CD46: variants seen among roughly 807,000 people sequenced by gnomAD.
The protein encoded by CD46 is membrane cofactor protein.
A neutral mutation model predicts 53.3 loss-of-function variants in CD46; 30 were observed. The observed-to-expected ratio is 0.56, with a 90% CI of 0.42 to 0.76. The LOEUF (loss-of-function observed/expected upper bound fraction) is 0.76. CD46 is among the 30% of genes least tolerant of loss of function. The pLI, the probability that CD46 is intolerant of heterozygous loss-of-function variation, is 0.00. For missense variants in CD46, 409 were observed against 463.0 expected (o/e 0.88, Z 1.07); for synonymous variants, 142 against 152.0 (o/e 0.93, Z 0.48).
intron 1 of CD46, among the ~76,000 whole-genome samples, chr1:207,753,574 G>A (rs1329333177): frequency 6.6e-6 from 1 of 152,124 alleles, no homozygotes; most frequent in East Asian, 1.9e-4. Context: ...TGGGGGCCGA[G>A]GTAGGAGATT....
intron 8 of CD46, among the ~76,000 whole-genome samples, chr1:207,771,098 T>C (rs1054836088): frequency 3.9e-5 from 6 of 152,242 alleles, no homozygotes; most frequent in African/African-American, 1.2e-4. Context: ...CCAATCTAAC[T>C]GGCGTGAGTG....
intron 9 of CD46, 105 bp from the exon 10 acceptor site, chr1:207,784,966 G>T: frequency 1.1e-6 from 1 of 928,240 alleles, no homozygotes; most frequent in Non-Finnish European, 1.7e-6. Context: ...TGAGATTTGG[G>T]TGGGGACACA....
In CD46 at chr1:207,752,303, T is replaced by G. The variant is rs754439039; in HGVS notation, c.91T>G (p.Phe31Val). Reference sequence around the variant, plus strand: ...GGCCATGGTGTTGCTGCTGTACTCCTTCTCCGGTAGGACCCCGGGGCGGGT... The same window carrying G: ...GGCCATGGTGTTGCTGCTGTACTCCGTCTCCGGTAGGACCCCGGGGCGGGT... ...LAAMVLLLYSFSDACEEPPTF... is the reference protein window; with the variant it reads ...LAAMVLLLYSVSDACEEPPTF... Residue 31 changes from phenylalanine to valine, a missense_variant, in exon 1 of 13, where the codon TTC becomes GTC. By Grantham distance (50) the Phe-to-Val change is conservative. Coordinates refer to ENST00000367042, the MANE Select transcript of CD46 (RefSeq NM_172351.3). The surrounding 1 kb of genome is among the most constrained non-coding windows in gnomAD (Gnocchi z 4.1). 6.2e-7 allele frequency: 1 copy of G among 1,613,950 alleles called. No homozygotes were observed. The highest frequency in any genetic ancestry group is 8.5e-7 in the Non-Finnish European group (1 of 1,179,868).
At chr1:207,789,667 C>T (rs755003414) in intron 11 of CD46, among the ~76,000 whole-genome samples, 8 of 152,002 alleles carry the variant, frequency 5.3e-5, no homozygotes, top group African/African-American at 7.3e-5. Context: ...TCTGAAAATA[C>T]ATGATGTCAT....
chr1:207,774,948 A>T (rs1359800704), intron 8 of CD46, among the ~76,000 whole-genome samples: 2 of 152,190 alleles, frequency 1.3e-5, no homozygotes, highest in Non-Finnish European at 2.9e-5. Context: ...TAGTTTAGGG[A>T]AGTCCTCGTG....
chr1:207,785,495 G>A (rs953958650), intron 10 of CD46, 124 bp from the exon 11 acceptor site: 10 of 782,054 alleles, frequency 1.3e-5, no homozygotes, highest in Admixed American at 3.5e-5. Context: ...GAATATAAAT[G>A]TGTAGGTGCT....
chr1:207,788,467 G>A lies in CD46; in HGVS notation c.1083-1786G>A, dbSNP rs147925388. Among the ~76,000 whole-genome samples the A allele has an allele frequency of 4.1e-4, 63 of 152,138 alleles. No individual in the cohort carries two copies. In the East Asian group the frequency reaches 0.011, roughly 27 times the overall value. ...CCCGGAGGCGGAGCTTGCAGTGAGC[G>A]AGATTGCGCCACTGCACTCCAGCCT... is the stretch of plus-strand genomic sequence containing the variant. On this transcript the variant is annotated intron_variant, in intron 11 of 12. Transcript: ENST00000367042.
chr1:207,784,353 A>G (rs1197589661), intron 9 of CD46, among the ~76,000 whole-genome samples: 1 of 152,240 alleles, frequency 6.6e-6, no homozygotes, highest in African/African-American at 2.4e-5. Flanking sequence ...CTGTTGAACT[A>G]AACCAACTCT....
intron 8 of CD46, among the ~76,000 whole-genome samples, chr1:207,778,159 T>A (rs1658318900): frequency 1.3e-5 from 2 of 152,194 alleles, no homozygotes; most frequent in South Asian, 4.1e-4. Flanking sequence ...TAAATTTTTT[T>A]AAGTTCCTGT....
chr1:207,752,210 C>T lies in CD46; in HGVS notation c.-3C>T. On this transcript the variant is annotated 5_prime_UTR_variant, in exon 1 of 13. Coordinates refer to ENST00000367042, the MANE Select transcript of CD46 (RefSeq NM_172351.3). This position sits in a 1 kb window ranked among gnomAD's most constrained non-coding sequence, Gnocchi z 4.1. ...AGAAATAACAGCGTCTTCCGCGCCG[C>T]GCATGGAGCCTCCCGGCCGCCGCGA... 4 of 1,613,520 alleles carry T rather than the reference C, an allele frequency of 2.5e-6. No homozygotes were observed. In the South Asian group the frequency reaches 3.3e-5, roughly 13 times the overall value.
At chr1:207,767,720 A>G in intron 6 of CD46, 59 bp from the exon 7 acceptor site, 1 of 1,591,206 alleles carries the variant, frequency 6.3e-7, no homozygotes, top group Non-Finnish European at 8.6e-7. Context: ...TCCTGGAGAA[A>G]TTGCCAGCAA....
At chr1:207,758,750 A>G (rs1000882184) in intron 3 of CD46, among the ~76,000 whole-genome samples, 1 of 152,226 alleles carries the variant, frequency 6.6e-6, no homozygotes, top group African/African-American at 2.4e-5. Context: ...GACAGTTTTT[A>G]AAATTTGGTC....
chr1:207,794,623 G>C lies in CD46; in HGVS notation c.*1146G>C, dbSNP rs914566029. The C allele has an allele frequency of 6.6e-6, 1 of 152,186 alleles. No individual in the cohort carries two copies. 9.4% of individuals were successfully genotyped at this position (152,186 alleles called of 1,614,324 possible). ...GTCTTACCTCATCTCCTAAAAGGCAGAGTACAAAGTAAGCCATGTATCTCA... is the reference window on the plus strand; with the variant it reads ...GTCTTACCTCATCTCCTAAAAGGCACAGTACAAAGTAAGCCATGTATCTCA... On this transcript the variant is annotated 3_prime_UTR_variant, in exon 13 of 13. Coordinates refer to ENST00000367042, the MANE Select transcript of CD46 (RefSeq NM_172351.3).
intron 7 of CD46, 63 bp downstream of exon 7, chr1:207,767,886 A>G: frequency 3.1e-6 from 4 of 1,290,398 alleles, no homozygotes; most frequent in Non-Finnish European, 4.5e-6. Flanking sequence ...ATTTTTTATA[A>G]AATCCTTCAA....
At chr1:207,784,978 C>A in intron 9 of CD46, 93 bp from the exon 10 acceptor site, 1 of 1,111,592 alleles carries the variant, frequency 9.0e-7, no homozygotes, top group Non-Finnish European at 1.4e-6. Context: ...GGGGACACAG[C>A]CAAACCATAT....
intron 5 of CD46, 94 bp from the exon 6 acceptor site, chr1:207,766,919 C>T: frequency 1.1e-6 from 1 of 950,564 alleles, no homozygotes; most frequent in Non-Finnish European, 1.7e-6. Flanking sequence ...GCATTCCATT[C>T]CTTGTCTCTG....
chr1:207,783,521 G>T, intron 9 of CD46, 191 bp downstream of exon 9: 1 of 467,474 alleles, frequency 2.1e-6, no homozygotes, highest in Admixed American at 3.7e-5. Context: ...ATTTTGTGAT[G>T]GTAATCTGTC....
chr1:207,781,077 C>G (rs1421704520), intron 8 of CD46, among the ~76,000 whole-genome samples: 1 of 151,020 alleles, frequency 6.6e-6, no homozygotes, highest in Admixed American at 6.6e-5. Context: ...AATAACATTA[C>G]ATTGACAATT....
rs189307426 is a variant in CD46, at chr1:207,784,777, A to G, written c.983-294A>G. 1.4e-4 allele frequency among the ~76,000 whole-genome samples: 21 copies of G among 152,322 alleles called. 1 individual carries two copies. The East Asian group carries it at 3.7e-3, about 27-fold the overall frequency. On this transcript the variant is annotated intron_variant, in intron 9 of 12. Transcript: ENST00000367042. ...AAGCAAACACATTCTTCTTCACATG[A>G]TGGCAGGAAGGAGAAGTATGAGAAC...
Sources: allele counts gnomAD v4.1 joint callset (sites outside exome capture counted in the v4.1 genomes callset), GRCh38; gene constraint gnomAD v4.1.1; non-coding constraint Gnocchi (gnomAD v3.1); transcripts MANE v1.5; gene names NCBI Gene and HGNC (gene_info 2026-07-23, HGNC 2026-07-21).